Variants in SHC4 observed in about 807,000 individuals in gnomAD.
SHC4 encodes SHC-transforming protein 4.
SHC4 carries 41 observed loss-of-function variants against 69.4 expected under a neutral mutation model. That is an observed-to-expected ratio of 0.59 (90% CI 0.46 to 0.77). The LOEUF is 0.77. SHC4 is among the 30% of genes least tolerant of loss of function. The pLI, the probability that SHC4 is intolerant of heterozygous loss-of-function variation, is 0.00. For synonymous variants in SHC4, 318 were observed against 299.3 expected (o/e 1.06, Z -0.64); for missense variants, 777 against 783.8 (o/e 0.99, Z 0.10).
At chr15:48,954,624 G>A (rs576145936) in intron 1 of SHC4, among the ~76,000 whole-genome samples, 2 of 152,354 alleles carry the variant, frequency 1.3e-5, no homozygotes, top group Admixed American at 1.3e-4. Context: ...TAGAGAAGAA[G>A]GCAGGCAGGC....
intron 6 of SHC4, among the ~76,000 whole-genome samples, chr15:48,858,556 G>A (rs1159714509): frequency 6.6e-6 from 1 of 152,218 alleles, no homozygotes; most frequent in Non-Finnish European, 1.5e-5. Flanking sequence ...GCAGGCATCT[G>A]ACTATCACAA....
intron 1 of SHC4, among the ~76,000 whole-genome samples, chr15:48,959,208 T>C (rs1470643375): frequency 6.6e-6 from 1 of 152,212 alleles, no homozygotes; most frequent in Non-Finnish European, 1.5e-5. Flanking sequence ...AAGAGTAATA[T>C]GCCTTCCATT....
chr15:48,878,449 A>G (rs1484844889), intron 4 of SHC4: 1 of 1,613,306 alleles, frequency 6.2e-7, no homozygotes, highest in East Asian at 2.2e-5. Flanking sequence ...TGGCGGGCGC[A>G]GACTTCGAGA....
intron 4 of SHC4, 103 bp from the exon 5 acceptor site, chr15:48,872,245 G>T: frequency 1.5e-6 from 1 of 670,078 alleles, no homozygotes; most frequent in Non-Finnish European, 2.4e-6. Context: ...GTTTTTGCCT[G>T]ATCAGCATCC....
intron 11 of SHC4, among the ~76,000 whole-genome samples, chr15:48,832,621 C>T (rs1477900676): frequency 6.6e-6 from 1 of 151,882 alleles, no homozygotes; most frequent in African/African-American, 2.4e-5. Context: ...GCTTTCTGCC[C>T]CCTTTCCCTC....
chr15:48,929,344 GC>G (rs549983037), intron 1 of SHC4, among the ~76,000 whole-genome samples: 115 of 152,140 alleles, frequency 7.6e-4, no homozygotes, highest in Admixed American at 2.1e-3. Context: ...TAAGACATGG[GC>G]TCTGTTCTTA....
intron 4 of SHC4, among the ~76,000 whole-genome samples, chr15:48,880,628 A>G (rs1899922634): frequency 6.6e-6 from 1 of 152,146 alleles, no homozygotes; most frequent in South Asian, 2.1e-4. Flanking sequence ...GGGAAACACT[A>G]TTCCATCTGA....
chr15:48,953,124 G>C (rs1260076807), intron 1 of SHC4, among the ~76,000 whole-genome samples: 2 of 152,218 alleles, frequency 1.3e-5, no homozygotes, highest in African/African-American at 4.8e-5. Context: ...CAGGGACATG[G>C]ATGGAGCTGG....
intron 4 of SHC4, among the ~76,000 whole-genome samples, chr15:48,875,996 A>G (rs2140996596): frequency 6.6e-6 from 1 of 152,342 alleles, no homozygotes; most frequent in East Asian, 1.9e-4. Flanking sequence ...TCTTACACAC[A>G]GAAGTGAGAT....
intron 9 of SHC4, among the ~76,000 whole-genome samples, chr15:48,850,204 A>C (rs1419208568): frequency 6.6e-6 from 1 of 150,492 alleles, no homozygotes; most frequent in Non-Finnish European, 1.5e-5. Context: ...CTTTGTCTGA[A>C]ATAAAAATAA....
At position 48,823,861 on chromosome 15, in the gene SHC4, T is replaced by C. The variant is rs1018649485; in HGVS notation, c.*2110A>G. On this transcript the variant is annotated 3_prime_UTR_variant, in exon 12 of 12. Transcript: ENST00000332408. ...TTAAAATAGCATGCAGACATTCCTT[T>C]TATTGTTTCCTTTTGCTTTAACTGT... The C allele has an allele frequency of 6.6e-6, 1 of 152,246 alleles. No individual in the cohort carries two copies. The highest frequency in any genetic ancestry group is 1.5e-5 in the Non-Finnish European group (1 of 68,042). 9.4% of individuals were successfully genotyped at this position (152,246 alleles called of 1,614,324 possible).
chr15:48,858,281 TG>T (rs901774462), intron 6 of SHC4, among the ~76,000 whole-genome samples: 2 of 152,164 alleles, frequency 1.3e-5, no homozygotes, highest in African/African-American at 4.8e-5. Flanking sequence ...AATGAGCTGT[TG>T]GTAAAGATAG....
At chr15:48,929,313 C>T (rs1293938400) in intron 1 of SHC4, among the ~76,000 whole-genome samples, 1 of 152,244 alleles carries the variant, frequency 6.6e-6, no homozygotes, top group South Asian at 2.1e-4. Flanking sequence ...TTCTCATTCA[C>T]GTATTAAATG....
At chr15:48,857,581 T>A in intron 7 of SHC4, 111 bp downstream of exon 7, 1 of 1,011,494 alleles carries the variant, frequency 9.9e-7, no homozygotes, top group Non-Finnish European at 1.3e-6. Flanking sequence ...ATTTTATTAG[T>A]TCATTTTAAA....
chr15:48,827,799 T>C (rs181592983), intron 11 of SHC4, among the ~76,000 whole-genome samples: 43 of 152,286 alleles, frequency 2.8e-4, no homozygotes, highest in African/African-American at 9.6e-4. Flanking sequence ...GGAGAGTTCC[T>C]ATAAAACTCT....
At chr15:48,857,541 CTG>C (rs1005067150) in intron 7 of SHC4, 149 bp downstream of exon 7, 23 of 560,008 alleles carry the variant, frequency 4.1e-5, no homozygotes, top group African/African-American at 3.5e-4. Flanking sequence ...TGTACTGAGA[CTG>C]TGTCTATTTG....
intron 4 of SHC4, among the ~76,000 whole-genome samples, chr15:48,873,272 G>A (rs982164550): frequency 1.3e-5 from 2 of 152,190 alleles, no homozygotes; most frequent in Non-Finnish European, 2.9e-5. Context: ...TATTTCTGGA[G>A]CACAGGAAGA....
At chr15:48,908,923 C>T (rs1210788010) in intron 2 of SHC4, among the ~76,000 whole-genome samples, 1 of 152,180 alleles carries the variant, frequency 6.6e-6, no homozygotes, top group Non-Finnish European at 1.5e-5. Flanking sequence ...ATTTTTATAC[C>T]AGTACCACAC....
intron 5 of SHC4, among the ~76,000 whole-genome samples, chr15:48,868,602 T>C (rs1367972442): frequency 6.6e-6 from 1 of 152,222 alleles, no homozygotes; most frequent in Non-Finnish European, 1.5e-5. Context: ...TGCTTTTTGT[T>C]ATCTAAGTTC....
Sources: gnomAD v4.1 joint callset for allele counts (sites outside exome capture counted in the v4.1 genomes callset) on GRCh38, gnomAD v4.1.1 for gene constraint, MANE v1.5 for transcripts, NCBI Gene and HGNC (gene_info 2026-07-23, HGNC 2026-07-21) for gene names.